The following CNTNAP4 variants were observed in gnomAD, a reference collection of about 807,000 sequenced individuals.
The protein encoded by CNTNAP4 is contactin-associated protein-like 4.
A neutral mutation model predicts 148.4 loss-of-function variants in CNTNAP4; 98 were observed. The observed-to-expected ratio is 0.66, with a 90% CI of 0.56 to 0.78. CNTNAP4 has a LOEUF of 0.78. Among genes scored for constraint, CNTNAP4 ranks in the 30% least tolerant of loss-of-function variants. CNTNAP4 has a pLI of 0.00. For synonymous variants in CNTNAP4, 730 were observed against 565.1 expected (o/e 1.29, Z -4.14); for missense variants, 1,935 against 1,565.6 (o/e 1.24, Z -3.98).
chr16:76,381,589 A>G (rs1398468255), intron 3 of CNTNAP4, among the ~76,000 whole-genome samples: 1 of 152,186 alleles, frequency 6.6e-6, no homozygotes, highest in African/African-American at 2.4e-5. Context: ...TCTATTTAAG[A>G]GAATTAACAT....
chr16:76,328,682 G>A (rs954144624), intron 2 of CNTNAP4, among the ~76,000 whole-genome samples: 2 of 151,736 alleles, frequency 1.3e-5, no homozygotes, highest in African/African-American at 4.8e-5. Flanking sequence ...GTTTGCTCTT[G>A]TTTCCCATGC....
At chr16:76,411,942 C>T (rs968537) in intron 3 of CNTNAP4, among the ~76,000 whole-genome samples, 56,064 of 151,120 alleles carry the variant, frequency 0.37, 10,616 homozygotes, top group Middle Eastern at 0.48. Context: ...CTTTCATGCC[C>T]TTACTGTTGA....
chr16:76,510,327 G>A (rs939707084), intron 15 of CNTNAP4, among the ~76,000 whole-genome samples: 7 of 152,032 alleles, frequency 4.6e-5, no homozygotes, highest in African/African-American at 1.4e-4. Context: ...ATACATCAAC[G>A]CTTCATTCTT....
chr16:76,449,867 C>A lies in CNTNAP4; in HGVS notation c.1071+9C>A. The stretch of plus-strand genomic sequence containing the variant: ...CACAGATCATTGCTATGGTGAGAGT[C>A]TTTATGCGAAGACATTAGTAAAACT... On this transcript the variant is annotated intron_variant, in intron 7 of 23. Transcript: ENST00000611870. The A allele has an allele frequency of 1.3e-6, 2 of 1,593,538 alleles. No homozygotes were observed. Among genetic ancestry groups the A allele is most frequent in the Non-Finnish European group, 1.7e-6 (2 of 1,172,808 alleles).
At chr16:76,361,196 A>G (rs2013397827) in intron 3 of CNTNAP4, among the ~76,000 whole-genome samples, 1 of 152,144 alleles carries the variant, frequency 6.6e-6, no homozygotes, top group African/African-American at 2.4e-5. Context: ...AGTGCACAGT[A>G]CAATACTGTT....
chr16:76,544,934 C>T (rs974784064), intron 21 of CNTNAP4, among the ~76,000 whole-genome samples: 1 of 152,154 alleles, frequency 6.6e-6, no homozygotes, highest in African/African-American at 2.4e-5. Flanking sequence ...CTCTGATGAG[C>T]TATAAGAGAA....
At position 76,539,717 on chromosome 16, in the gene CNTNAP4, A is replaced by C; in HGVS notation, c.3221-2A>C. ...AAGAATCACAATTTTTCCCCACTCT[A>C]GGAAGTTTGCAGATCAGGTACAAGT... On this transcript the variant is annotated splice_acceptor_variant, in intron 19 of 23. Coordinates refer to ENST00000611870, the MANE Select transcript of CNTNAP4 (RefSeq NM_033401.5). LOFTEE classifies it high-confidence loss of function. 6.3e-7 allele frequency: 1 copy of C among 1,590,330 alleles called. No individual in the cohort carries two copies. Among genetic ancestry groups the C allele is most frequent in the Non-Finnish European group, 8.5e-7 (1 of 1,172,664 alleles).
At chr16:76,443,678 G>C (rs1271716377) in intron 4 of CNTNAP4, among the ~76,000 whole-genome samples, 1 of 152,146 alleles carries the variant, frequency 6.6e-6, no homozygotes, top group Non-Finnish European at 1.5e-5. Flanking sequence ...TATTTTGGAT[G>C]CTTAATTTAG....
intron 19 of CNTNAP4, 43 bp from the exon 20 acceptor site, chr16:76,539,676 G>A: frequency 6.6e-7 from 1 of 1,523,866 alleles, no homozygotes; most frequent in Non-Finnish European, 8.8e-7. Context: ...CGCTCTCAAA[G>A]TACGATTTTT....
At chr16:76,310,724 C>T (rs2144031898) in intron 1 of CNTNAP4, among the ~76,000 whole-genome samples, 1 of 152,090 alleles carries the variant, frequency 6.6e-6, no homozygotes, top group Middle Eastern at 3.4e-3. Flanking sequence ...CTAATTTTGG[C>T]ATGTCTTCCA....
chr16:76,287,147 A>G (rs568920177), intron 1 of CNTNAP4, among the ~76,000 whole-genome samples: 40 of 152,330 alleles, frequency 2.6e-4, no homozygotes, highest in African/African-American at 8.2e-4. Flanking sequence ...CAATAATTTG[A>G]GGAAAGAACT....
intron 3 of CNTNAP4, among the ~76,000 whole-genome samples, chr16:76,371,188 A>T (rs1164520523): frequency 6.6e-6 from 1 of 152,232 alleles, no homozygotes. Flanking sequence ...CATCTTACAG[A>T]TGATCAAACA....
intron 21 of CNTNAP4, among the ~76,000 whole-genome samples, chr16:76,545,199 T>A (rs534642472): frequency 2.0e-5 from 3 of 152,334 alleles, no homozygotes; most frequent in African/African-American, 7.2e-5. Flanking sequence ...TTAATTTTTT[T>A]AATAATTAAA....
At chr16:76,460,008 A>G (rs60244325) in intron 8 of CNTNAP4, among the ~76,000 whole-genome samples, 2,535 of 152,324 alleles carry the variant, frequency 0.017, 73 homozygotes, top group African/African-American at 0.057. Context: ...ATGTCTACAT[A>G]TATATAAACT....
chr16:76,536,033 G>C (rs1458434859), intron 18 of CNTNAP4, among the ~76,000 whole-genome samples: 3 of 152,162 alleles, frequency 2.0e-5, no homozygotes. Flanking sequence ...ACTAGTGTTT[G>C]TTGATGGTAA....
At chr16:76,518,983 GC>G in intron 15 of CNTNAP4, among the ~76,000 whole-genome samples, 1 of 152,212 alleles carries the variant, frequency 6.6e-6, no homozygotes, top group African/African-American at 2.4e-5. Flanking sequence ...TGCCTGCTGA[GC>G]TCTGTTTCCT....
intron 12 of CNTNAP4, among the ~76,000 whole-genome samples, chr16:76,480,282 A>C (rs2081775142): frequency 1.3e-5 from 2 of 152,324 alleles, no homozygotes; most frequent in Admixed American, 1.3e-4. Flanking sequence ...ACATAAAATT[A>C]ATTTTATTTT....
chr16:76,297,387 T>C (rs1291067238), intron 1 of CNTNAP4, among the ~76,000 whole-genome samples: 2 of 152,208 alleles, frequency 1.3e-5, no homozygotes, highest in African/African-American at 2.4e-5. Context: ...TAACTATTTA[T>C]ATTTATTTTT....
intron 13 of CNTNAP4, among the ~76,000 whole-genome samples, chr16:76,492,319 G>A (rs568835289): frequency 6.6e-6 from 1 of 152,244 alleles, no homozygotes; most frequent in South Asian, 2.1e-4. Context: ...TGTGATTGTG[G>A]TAATCATTTC....
Sources: allele counts gnomAD v4.1 joint callset (sites outside exome capture counted in the v4.1 genomes callset), GRCh38; gene constraint gnomAD v4.1.1; transcripts MANE v1.5; gene names NCBI Gene and HGNC (gene_info 2026-07-23, HGNC 2026-07-21).